The following CORO2A variants were observed in gnomAD, a reference collection of about 807,000 sequenced individuals.
The protein encoded by CORO2A is coronin 2A.
A neutral mutation model predicts 62.4 loss-of-function variants in CORO2A; 47 were observed. The ratio of observed to expected loss-of-function variants is 0.75; its 90% confidence interval spans 0.60 to 0.96. The LOEUF is 0.96. Among genes scored for constraint, CORO2A ranks in the 40% least tolerant of loss-of-function variants. The pLI is 0.00. For synonymous variants in CORO2A, 273 were observed against 268.9 expected (o/e 1.02, Z -0.15); for missense variants, 610 against 684.1 (o/e 0.89, Z 1.21).
chr9:98,169,751 C>G (rs1035813334), intron 1 of CORO2A, among the ~76,000 whole-genome samples: 1 of 152,170 alleles, frequency 6.6e-6, no homozygotes, highest in African/African-American at 2.4e-5. Flanking sequence ...AAAAAAGCAT[C>G]ATTTTCCCAG....
At chr9:98,153,181 C>A (rs1293309588) in intron 2 of CORO2A, among the ~76,000 whole-genome samples, 2 of 152,002 alleles carry the variant, frequency 1.3e-5, no homozygotes, top group Non-Finnish European at 2.9e-5. Context: ...CTCATTGCAA[C>A]CCCTGCCTCC....
intron 1 of CORO2A, among the ~76,000 whole-genome samples, chr9:98,191,252 A>C (rs981978982): frequency 1.0e-4 from 9 of 89,022 alleles, no homozygotes; most frequent in African/African-American, 3.8e-4. Context: ...GACCTCTCAG[A>C]CGGTCCCCAG....
At chr9:98,181,509 A>C (rs1437468816) in intron 1 of CORO2A, among the ~76,000 whole-genome samples, 1 of 152,002 alleles carries the variant, frequency 6.6e-6, no homozygotes, top group Non-Finnish European at 1.5e-5. Flanking sequence ...ATTTAGTCTC[A>C]GCCACCAACC....
Position 98,181,222 on chromosome 9 carries a change from G to A in CORO2A, c.-1+11337C>T, listed in dbSNP as rs548028767. Among the ~76,000 whole-genome samples, 6 of 142,254 alleles carry A rather than the reference G, an allele frequency of 4.2e-5. No homozygotes were observed. The South Asian group carries it at 8.9e-4, about 21-fold the overall frequency. 93.3% of individuals were successfully genotyped at this position (142,254 alleles called of 152,430 possible). A position where few individuals can be genotyped will look rare whatever the true frequency, so the allele number is the denominator to read the frequency against. On this transcript the variant is annotated intron_variant, in intron 1 of 11. Coordinates refer to ENST00000375077, the MANE Select transcript of CORO2A (RefSeq NM_052820.4). ...GTCAGGCCATGAGAAGGGCACTGCC[G>A]GAAAAGCCAGAACCCACGGGCACCC...
At chr9:98,185,452 C>T (rs909706995) in intron 1 of CORO2A, among the ~76,000 whole-genome samples, 1 of 152,242 alleles carries the variant, frequency 6.6e-6, no homozygotes, top group Non-Finnish European at 1.5e-5. Flanking sequence ...ATATCAGCAG[C>T]GGGGTCAGCT....
Position 98,126,841 on chromosome 9 carries a change from C to G in CORO2A, c.1172-18G>C, listed in dbSNP as rs544888496. The G allele has an allele frequency of 1.5e-5, 24 of 1,613,974 alleles. No individual in the cohort carries two copies. The highest frequency in any genetic ancestry group is 1.9e-5 in the Non-Finnish European group (23 of 1,179,906). ...GATTGGGTCTGGAAGGGAAGCAGAG[C>G]CATGTGAGGACGGGGTGCCCACGGG... On this transcript the variant is annotated intron_variant, in intron 10 of 11. Coordinates refer to ENST00000375077, the MANE Select transcript of CORO2A (RefSeq NM_052820.4).
chr9:98,143,103 G>C (rs1320435357), intron 2 of CORO2A, among the ~76,000 whole-genome samples: 1 of 152,164 alleles, frequency 6.6e-6, no homozygotes, highest in Non-Finnish European at 1.5e-5. Context: ...TAAATCAGGG[G>C]AGACACGCCT....
intron 1 of CORO2A, among the ~76,000 whole-genome samples, chr9:98,169,672 C>G (rs1423515476): frequency 6.6e-6 from 1 of 152,210 alleles, no homozygotes; most frequent in Non-Finnish European, 1.5e-5. Context: ...CTGAGACAAA[C>G]TGGTCTGTCT....
intron 1 of CORO2A, among the ~76,000 whole-genome samples, chr9:98,188,792 A>C (rs1171965293): frequency 6.6e-6 from 1 of 152,116 alleles, no homozygotes; most frequent in African/African-American, 2.4e-5. Flanking sequence ...CAACAACAAA[A>C]AACAACAACA....
At chr9:98,134,119 GGAAA>G (rs1827450970) in intron 4 of CORO2A, among the ~76,000 whole-genome samples, 1 of 152,114 alleles carries the variant, frequency 6.6e-6, no homozygotes, top group African/African-American at 2.4e-5. Flanking sequence ...AGTGTCAAAA[GGAAA>G]GAACTGAAAG....
intron 7 of CORO2A, among the ~76,000 whole-genome samples, 157 bp downstream of exon 7, chr9:98,130,798 C>T (rs1019819176): frequency 1.3e-5 from 2 of 152,008 alleles, no homozygotes; most frequent in African/African-American, 2.4e-5. Flanking sequence ...CCAGGTGTTC[C>T]TAGGGAGCCA....
chr9:98,155,518 T>C (rs1362051971), intron 2 of CORO2A, among the ~76,000 whole-genome samples: 1 of 152,014 alleles, frequency 6.6e-6, no homozygotes, highest in Non-Finnish European at 1.5e-5. Context: ...GGCTAATTTT[T>C]GTATTTTTAG....
At chr9:98,174,163 G>A (rs890519727) in intron 1 of CORO2A, among the ~76,000 whole-genome samples, 16 of 143,130 alleles carry the variant, frequency 1.1e-4, no homozygotes, top group Non-Finnish European at 1.5e-5. Flanking sequence ...CAAAGAGCGT[G>A]TAGCCCTGGC....
rs939417647 is a variant in CORO2A, at chr9:98,123,042, C to T, written c.*1732G>A. Reference sequence around the variant, plus strand: ...GTAGTTTTCTCTTAGGTCAAGGTTTCAGGTGGCAGATCCTGCAGAGAGCAG... The same window carrying T: ...GTAGTTTTCTCTTAGGTCAAGGTTTTAGGTGGCAGATCCTGCAGAGAGCAG... On this transcript the variant is annotated 3_prime_UTR_variant, in exon 12 of 12. Transcript: ENST00000375077. 5 of 152,254 alleles carry T rather than the reference C, an allele frequency of 3.3e-5. No individual in the cohort carries two copies. The highest frequency in any genetic ancestry group is 4.8e-5 in the African/African-American group (2 of 41,448). The allele number at this position is 152,254 out of a possible 1,614,324, so 9.4% of individuals were successfully genotyped here. A position where few individuals can be genotyped will look rare whatever the true frequency, so the allele number is the denominator to read the frequency against.
chr9:98,147,182 C>G (rs1587999634), intron 2 of CORO2A, among the ~76,000 whole-genome samples: 1 of 151,966 alleles, frequency 6.6e-6, no homozygotes, highest in African/African-American at 2.4e-5. Flanking sequence ...GGCAAACAAA[C>G]CACAAGCAAA....
rs927919105 is a variant in CORO2A at position 98,134,333 on chromosome 9, C to T, written c.468+473G>A. Among the ~76,000 whole-genome samples, 10 of 152,086 alleles carry T rather than the reference C, an allele frequency of 6.6e-5. No homozygotes were observed. In the East Asian group the frequency reaches 1.2e-3, roughly 18 times the overall value. On this transcript the variant is annotated intron_variant, in intron 4 of 11. Coordinates refer to ENST00000375077, the MANE Select transcript of CORO2A (RefSeq NM_052820.4). ...TGTCAGTGGAGCAGGGTCGGGGGAA[C>T]GATTTTCTGGGCAGTGCCATCCCAT...
chr9:98,127,054 C>T, intron 10 of CORO2A: 1 of 591,416 alleles, frequency 1.7e-6, no homozygotes, highest in Non-Finnish European at 3.0e-6. Context: ...GTAGGAACAG[C>T]ACGGTGCGTG....
intron 10 of CORO2A, 111 bp downstream of exon 10, chr9:98,128,059 G>T: frequency 1.2e-6 from 1 of 802,996 alleles, no homozygotes; most frequent in Non-Finnish European, 2.1e-6. Context: ...CATGGCTTCT[G>T]AGGTCATGAG....
chr9:98,126,440 A>C, intron 11 of CORO2A, 109 bp downstream of exon 11: 1 of 1,420,848 alleles, frequency 7.0e-7, no homozygotes, highest in Non-Finnish European at 9.6e-7. Flanking sequence ...CAGGCCACAC[A>C]GCTGGTTATT....
Sources: allele counts gnomAD v4.1 joint callset (sites outside exome capture counted in the v4.1 genomes callset), GRCh38; gene constraint gnomAD v4.1.1; transcripts MANE v1.5; gene names NCBI Gene and HGNC (gene_info 2026-07-23, HGNC 2026-07-21).